Variants in ADGRB3 observed in about 807,000 individuals in gnomAD.
ADGRB3 encodes brain-specific angiogenesis inhibitor 3.
A neutral mutation model predicts 193.4 loss-of-function variants in ADGRB3; 37 were observed. The ratio of observed to expected loss-of-function variants is 0.19; its 90% CI spans 0.15 to 0.25. ADGRB3 has a LOEUF of 0.25. Among genes scored for constraint, ADGRB3 ranks in the 10% least tolerant of loss-of-function variants. The pLI is 1.00. For missense variants in ADGRB3, 1,637 were observed against 1,852.9 expected (o/e 0.88, Z 2.14); for synonymous variants, 690 against 644.2 (o/e 1.07, Z -1.08).
At chr6:68,769,531 C>T (rs1562022013) in intron 3 of ADGRB3, among the ~76,000 whole-genome samples, 1 of 151,888 alleles carries the variant, frequency 6.6e-6, no homozygotes, top group Non-Finnish European at 1.5e-5. Flanking sequence ...CACACTGGAG[C>T]CTGTTGGAGG....
chr6:68,924,363 T>C (rs1354792360), intron 3 of ADGRB3, among the ~76,000 whole-genome samples: 1 of 152,006 alleles, frequency 6.6e-6, no homozygotes. Flanking sequence ...CTGGAAACAT[T>C]CTCATAAAAT....
chr6:69,118,501 C>T (rs1158547051), intron 17 of ADGRB3, among the ~76,000 whole-genome samples: 17 of 152,120 alleles, frequency 1.1e-4, no homozygotes, highest in Admixed American at 1.1e-3. Context: ...ATCTTCTCTC[C>T]TCCTTTACCT....
chr6:69,202,972 C>G (rs1049699617), intron 17 of ADGRB3, among the ~76,000 whole-genome samples: 1 of 151,978 alleles, frequency 6.6e-6, no homozygotes, highest in African/African-American at 2.4e-5. Context: ...AAATTAGTCT[C>G]CCCAGCTGCT....
chr6:68,758,143 G>A (rs1443858734), intron 3 of ADGRB3, among the ~76,000 whole-genome samples: 1 of 152,052 alleles, frequency 6.6e-6, no homozygotes, highest in Non-Finnish European at 1.5e-5. Context: ...ATCTGTGGGA[G>A]ACAAATTCTC....
intron 17 of ADGRB3, among the ~76,000 whole-genome samples, chr6:69,118,466 C>T (rs1450663036): frequency 7.2e-6 from 1 of 139,232 alleles, no homozygotes; most frequent in Admixed American, 7.7e-5. Context: ...CCAGGTACAC[C>T]AGACAATATG....
chr6:68,957,990 C>A (rs976585637), intron 8 of ADGRB3, among the ~76,000 whole-genome samples: 2 of 152,030 alleles, frequency 1.3e-5, no homozygotes, highest in Admixed American at 1.3e-4. Context: ...CACCTGAGGT[C>A]AGGAGTTCGA....
At chr6:68,652,327 G>A (rs1756955942) in intron 3 of ADGRB3, among the ~76,000 whole-genome samples, 1 of 152,096 alleles carries the variant, frequency 6.6e-6, no homozygotes, top group South Asian at 2.1e-4. Context: ...TGAGACTCCC[G>A]CTTTCCCACT....
chr6:68,739,884 A>T (rs1182632027), intron 3 of ADGRB3, among the ~76,000 whole-genome samples: 1 of 151,996 alleles, frequency 6.6e-6, no homozygotes, highest in Non-Finnish European at 1.5e-5. Flanking sequence ...GTTTTAATTA[A>T]CTTTCTATGT....
chr6:68,999,718 A>G (rs916604495), intron 11 of ADGRB3, among the ~76,000 whole-genome samples: 1 of 152,180 alleles, frequency 6.6e-6, no homozygotes, highest in Non-Finnish European at 1.5e-5. Context: ...CATCCGTACT[A>G]CAGAACTTTC....
intron 3 of ADGRB3, among the ~76,000 whole-genome samples, chr6:68,661,114 G>A (rs1434506585): frequency 2.0e-5 from 3 of 149,760 alleles, no homozygotes; most frequent in African/African-American, 4.9e-5. Context: ...GTGCCTCTAG[G>A]TATAGTATTA....
At chr6:68,859,518 A>G (rs1765091975) in intron 3 of ADGRB3, among the ~76,000 whole-genome samples, 1 of 152,160 alleles carries the variant, frequency 6.6e-6, no homozygotes, top group South Asian at 2.1e-4. Flanking sequence ...TAATGGACTT[A>G]CACTTTGACA....
chr6:68,914,332 A>T (rs892205273), intron 3 of ADGRB3, among the ~76,000 whole-genome samples: 9 of 152,316 alleles, frequency 5.9e-5, no homozygotes, highest in African/African-American at 2.2e-4. Flanking sequence ...CCATCAGACT[A>T]ACAGCGGATC....
intron 17 of ADGRB3, among the ~76,000 whole-genome samples, chr6:69,100,244 T>C (rs888646485): frequency 2.0e-5 from 3 of 152,202 alleles, no homozygotes; most frequent in African/African-American, 7.2e-5. Flanking sequence ...ATATTTTATA[T>C]ATTCACGCTT....
chr6:69,002,222 CTT>C (rs11284011), intron 11 of ADGRB3, among the ~76,000 whole-genome samples: 4,899 of 138,422 alleles, frequency 0.035, 78 homozygotes, highest in Non-Finnish European at 0.04. Flanking sequence ...CATCTTTTAT[CTT>C]TTTTTTTTTT....
Position 69,191,471 on chromosome 6 carries a change from G to A in ADGRB3, c.2481-41819G>A, listed in dbSNP as rs570773325. On this transcript the variant is annotated intron_variant, in intron 17 of 31. Transcript: ENST00000370598. ...TTCACTTCTGATATAGTGAAGTCAA[G>A]AAGTGATTCAAATATATTACTTTTA... is the stretch of plus-strand genomic sequence containing the variant. 5.9e-5 allele frequency among the ~76,000 whole-genome samples: 9 copies of A among 152,152 alleles called. No individual in the cohort carries two copies. The South Asian group carries it at 1.9e-3, about 32-fold the overall frequency.
chr6:69,347,882 G>A (rs190641922), intron 26 of ADGRB3, among the ~76,000 whole-genome samples: 87 of 152,176 alleles, frequency 5.7e-4, no homozygotes, highest in Middle Eastern at 3.4e-3. Flanking sequence ...AGAATGAGGC[G>A]CACAAAACTG....
At chr6:69,159,922 T>C (rs1451079745) in intron 17 of ADGRB3, among the ~76,000 whole-genome samples, 1 of 152,158 alleles carries the variant, frequency 6.6e-6, no homozygotes, top group African/African-American at 2.4e-5. Flanking sequence ...ATCCTTCCAG[T>C]TGATCACAGT....
At chr6:68,684,442 G>A (rs1409256287) in intron 3 of ADGRB3, among the ~76,000 whole-genome samples, 1 of 152,058 alleles carries the variant, frequency 6.6e-6, no homozygotes, top group Non-Finnish European at 1.5e-5. Context: ...AGGCAAACAA[G>A]TTACAAAAGA....
At chr6:69,385,847 A>G (rs1770058407) in intron 31 of ADGRB3, among the ~76,000 whole-genome samples, 1 of 152,020 alleles carries the variant, frequency 6.6e-6, no homozygotes, top group Admixed American at 6.6e-5. Context: ...TTTCAGTATG[A>G]GAGTCTATAG....
Sources: gnomAD v4.1 joint callset for allele counts (sites outside exome capture counted in the v4.1 genomes callset) on GRCh38, gnomAD v4.1.1 for gene constraint, MANE v1.5 for transcripts, NCBI Gene and HGNC (gene_info 2026-07-23, HGNC 2026-07-21) for gene names.